TACC2: variants seen among roughly 807,000 people sequenced by gnomAD.
TACC2 encodes the protein transforming acidic coiled-coil containing protein 2, also known as transforming acidic coiled-coil-containing protein 2.
Under a neutral mutation model 227.3 loss-of-function variants are expected in TACC2, and 137 were observed. That is an observed-to-expected ratio of 0.60 (90% CI 0.52 to 0.69). The LOEUF (loss-of-function observed/expected upper bound fraction) is 0.69, where lower values mean the gene tolerates loss of function less well. TACC2 is among the 30% of genes least tolerant of loss of function. TACC2 has a pLI of 0.00. For missense variants in TACC2, 3,470 were observed against 3,694.4 expected, an observed-to-expected ratio of 0.94 and a Z score of 1.57; for synonymous variants, 1,523 against 1,487.5, an observed-to-expected ratio of 1.02 and a Z score of -0.55.
intron 5 of TACC2, among the ~76,000 whole-genome samples, chr10:122,104,922 G>A (rs934616389): frequency 9.2e-5 from 14 of 152,304 alleles, no homozygotes; most frequent in Admixed American, 2.6e-4. Context: ...GGTAGCCATC[G>A]TTATCTGATG....
At chr10:122,058,455 C>T (rs1374895228) in intron 3 of TACC2, among the ~76,000 whole-genome samples, 1 of 152,210 alleles carries the variant, frequency 6.6e-6, no homozygotes, top group Non-Finnish European at 1.5e-5. Flanking sequence ...TGTCGCCAGA[C>T]AGGAGTGCAG....
intron 7 of TACC2, among the ~76,000 whole-genome samples, chr10:122,163,048 G>T (rs991119461): frequency 5.9e-5 from 9 of 152,024 alleles, no homozygotes; most frequent in African/African-American, 2.2e-4. Flanking sequence ...CAGACTGTGC[G>T]GTGCAAAGGT....
chr10:122,140,985 G>A (rs1466455009), intron 6 of TACC2, among the ~76,000 whole-genome samples: 1 of 152,170 alleles, frequency 6.6e-6, no homozygotes, highest in African/African-American at 2.4e-5. Flanking sequence ...GGATCTGAGG[G>A]GACAAAACGG....
chr10:122,203,974 A>G (rs907099718), intron 8 of TACC2, among the ~76,000 whole-genome samples: 11 of 151,650 alleles, frequency 7.3e-5, no homozygotes, highest in African/African-American at 2.4e-4. Flanking sequence ...CGGCCAACAC[A>G]GCGAAACCCT....
intron 2 of TACC2, among the ~76,000 whole-genome samples, chr10:122,027,181 T>C (rs1370882652): frequency 6.6e-6 from 1 of 152,200 alleles, no homozygotes; most frequent in Non-Finnish European, 1.5e-5. Context: ...ATCTTGTTGC[T>C]TTAATTTGCA....
intron 2 of TACC2, among the ~76,000 whole-genome samples, chr10:122,041,533 G>A (rs549804284): frequency 1.2e-4 from 17 of 147,396 alleles, no homozygotes; most frequent in Admixed American, 3.5e-4. Context: ...TACAATCTCC[G>A]CCTCCTGGGT....
At chr10:122,048,336 C>T (rs1158173674) in intron 2 of TACC2, among the ~76,000 whole-genome samples, 1 of 151,948 alleles carries the variant, frequency 6.6e-6, no homozygotes, top group Non-Finnish European at 1.5e-5. Flanking sequence ...GTCTGTCTCC[C>T]TAGACTGTGA....
intron 1 of TACC2, among the ~76,000 whole-genome samples, chr10:122,015,167 A>G (rs1407665541): frequency 6.6e-6 from 1 of 152,086 alleles, no homozygotes; most frequent in Non-Finnish European, 1.5e-5. Flanking sequence ...GAAAGAGGAC[A>G]TAAGTACCTA....
intron 1 of TACC2, among the ~76,000 whole-genome samples, chr10:122,015,302 C>CGCTCCCAGGCTTGAGCCTAGGAGTTG (rs1956456391): frequency 6.6e-6 from 1 of 150,858 alleles, no homozygotes; most frequent in African/African-American, 2.4e-5. Flanking sequence ...GTCAGGAGGT[C>CGCTCCCAGGCTTGAGCCTAGGAGTTG]GAGACCAGCC....
At chr10:122,008,260 T>TATA (rs1402041584) in intron 1 of TACC2, among the ~76,000 whole-genome samples, 1 of 79,252 alleles carries the variant, frequency 1.3e-5, no homozygotes, top group Non-Finnish European at 2.6e-5. Context: ...TTATTATTAT[T>TATA]ATTATTTTTT....
At position 122,241,986 on chromosome 10, in the gene TACC2, A is replaced by G; in HGVS notation, c.8377A>G (p.Ile2793Val). ...AATAGTGGCCGAGTATGAGAAGACC[A>G]TCGCTCAGATGATAGGTAGGTGTCC... ...RKIVAEYEKT[I>V]AQMIEDEQRE... Residue 2793 changes from isoleucine (I) to valine (V), a missense_variant, in exon 19 of 23, where the codon ATC becomes GTC. Physicochemically the swap from Ile to Val is conservative, Grantham distance 29. Coordinates refer to ENST00000369005, the MANE Select transcript of TACC2 (RefSeq NM_206862.4). 6.2e-7 allele frequency: 1 copy of G among 1,614,214 alleles called. No homozygotes were observed. The highest frequency in any genetic ancestry group is 2.2e-5 in the East Asian group (1 of 44,884).
Position 122,086,944 on chromosome 10 carries a change from G to T in TACC2, c.4444G>T (p.Ala1482Ser). ...VEKKQQLAGE[A>S]EISHLALQDP... ...GAAGAAGCAACAGTTGGCTGGAGAG[G>T]CTGAGATTTCCCATCTGGCTCTGCA... Residue 1482 changes from alanine (A) to serine (S), a missense_variant, in exon 4 of 23, where the codon GCT becomes TCT. Ala to Ser is a moderately conservative substitution (Grantham distance 99). Transcript: ENST00000369005. 1 of 1,613,964 alleles carries T rather than the reference G, an allele frequency of 6.2e-7. No individual in the cohort carries two copies. The highest frequency in any genetic ancestry group is 1.1e-5 in the South Asian group (1 of 91,082).
At chr10:122,012,007 G>A (rs1955983620) in intron 1 of TACC2, among the ~76,000 whole-genome samples, 1 of 151,870 alleles carries the variant, frequency 6.6e-6, no homozygotes, top group African/African-American at 2.4e-5. Flanking sequence ...GCAAGATCTT[G>A]GCTCCCTGCA....
intron 5 of TACC2, among the ~76,000 whole-genome samples, chr10:122,104,653 G>A (rs2082545221): frequency 1.3e-5 from 2 of 152,174 alleles, no homozygotes; most frequent in Non-Finnish European, 2.9e-5. Flanking sequence ...TTACAGGAGT[G>A]AGCCACCAGG....
chr10:122,026,633 C>A (rs369513909), intron 2 of TACC2, among the ~76,000 whole-genome samples: 1 of 152,070 alleles, frequency 6.6e-6, no homozygotes, highest in South Asian at 2.1e-4. Context: ...CCTACTCATC[C>A]CTCCCACACC....
chr10:122,156,839 C>T (rs2139669944), intron 7 of TACC2, among the ~76,000 whole-genome samples: 2 of 152,290 alleles, frequency 1.3e-5, no homozygotes, highest in Admixed American at 1.3e-4. Context: ...CTTGTGAGGA[C>T]ATGACTGGGC....
At chr10:122,074,901 C>G (rs1161834306) in intron 3 of TACC2, among the ~76,000 whole-genome samples, 1 of 152,126 alleles carries the variant, frequency 6.6e-6, no homozygotes, top group Non-Finnish European at 1.5e-5. Context: ...ACGGTCTCAG[C>G]CTTCCTTCTC....
At chr10:122,184,686 T>C (rs2094116188) in intron 7 of TACC2, among the ~76,000 whole-genome samples, 1 of 152,254 alleles carries the variant, frequency 6.6e-6, no homozygotes, top group South Asian at 2.1e-4. Flanking sequence ...TGTGTGTGTC[T>C]GTACATAGAC....
In TACC2 at chr10:122,224,787, T is replaced by A; in HGVS notation, c.7608T>A (p.Pro2536=). ...TGGAGAAAATTGGCTCCTCCTTACC[T>A]GTAAGTTCGTCTGCCTCGGGCCACT... ...EYMEKIGSSL[P]QDDDAPKKQA... is the part of the protein sequence containing the mutation. Residue 2536 remains proline (P), a splice_region_variant and synonymous_variant, in exon 12 of 23, where the codon CCT becomes CCA. Transcript: ENST00000369005. 2 of 1,613,764 alleles carry A rather than the reference T, an allele frequency of 1.2e-6. No individual in the cohort carries two copies. The highest frequency in any genetic ancestry group is 1.7e-6 in the Non-Finnish European group (2 of 1,179,680).
Sources: gnomAD v4.1 joint callset for allele counts (sites outside exome capture counted in the v4.1 genomes callset) on GRCh38, gnomAD v4.1.1 for gene constraint, MANE v1.5 for transcripts, NCBI Gene and HGNC (gene_info 2026-07-23, HGNC 2026-07-21) for gene names.